Variants in ADAMTS12 observed in about 807,000 individuals in gnomAD.
The protein encoded by ADAMTS12 is A disintegrin and metalloproteinase with thrombospondin motifs 12.
ADAMTS12 carries 118 observed loss-of-function variants against 167.8 expected under a neutral mutation model. That is an observed-to-expected ratio of 0.70 (90% CI 0.61 to 0.82). The LOEUF (loss-of-function observed/expected upper bound fraction) is 0.82. Among genes scored for constraint, ADAMTS12 ranks in the 40% least tolerant of loss-of-function variants. ADAMTS12 has a pLI of 0.00. For synonymous variants in ADAMTS12, 704 were observed against 716.9 expected (o/e 0.98, Z 0.29); for missense variants, 1,916 against 1,998.8 (o/e 0.96, Z 0.79).
chr5:33,849,025 A>T (rs1464262575), intron 2 of ADAMTS12, among the ~76,000 whole-genome samples: 1 of 149,490 alleles, frequency 6.7e-6, no homozygotes, highest in Middle Eastern at 3.6e-3. Flanking sequence ...TATGTATTGC[A>T]TAGCAATATA....
chr5:33,664,950 A>ATT (rs1231960859), intron 5 of ADAMTS12, among the ~76,000 whole-genome samples: 4 of 152,158 alleles, frequency 2.6e-5, no homozygotes, highest in South Asian at 2.1e-4. Flanking sequence ...TATATATTCC[A>ATT]TTATATATAT....
chr5:33,846,747 A>G (rs1748962029), intron 2 of ADAMTS12, among the ~76,000 whole-genome samples: 1 of 152,258 alleles, frequency 6.6e-6, no homozygotes, highest in South Asian at 2.1e-4. Flanking sequence ...ACTTGTTAAT[A>G]AATTCCTGAA....
intron 5 of ADAMTS12, among the ~76,000 whole-genome samples, chr5:33,666,075 G>A (rs1741454652): frequency 6.6e-6 from 1 of 152,188 alleles, no homozygotes; most frequent in African/African-American, 2.4e-5. Flanking sequence ...GGGCCTTTGA[G>A]CCTCTAAGCT....
At chr5:33,599,019 C>T (rs55738809) in intron 16 of ADAMTS12, among the ~76,000 whole-genome samples, 4,182 of 152,226 alleles carry the variant, frequency 0.027, 205 homozygotes, top group African/African-American at 0.095. Flanking sequence ...AACAGTCAGC[C>T]CCAGATGAAC....
chr5:33,746,726 G>A (rs1198919673), intron 3 of ADAMTS12, among the ~76,000 whole-genome samples: 1 of 152,208 alleles, frequency 6.6e-6, no homozygotes, highest in African/African-American at 2.4e-5. Flanking sequence ...TCTGGGTGTT[G>A]CTAGGAAGGC....
chr5:33,751,302 G>A, intron 3 of ADAMTS12, 102 bp downstream of exon 3: 1 of 1,408,432 alleles, frequency 7.1e-7, no homozygotes, highest in Non-Finnish European at 9.9e-7. Flanking sequence ...AAAGAATACA[G>A]AGGAGATAAG....
chr5:33,596,164 G>C (rs1039845060), intron 16 of ADAMTS12, 104 bp from the exon 17 acceptor site: 1 of 1,430,352 alleles, frequency 7.0e-7, no homozygotes, highest in African/African-American at 1.4e-5. Flanking sequence ...GACGGCTGAT[G>C]GGAAAGTTGT....
intron 3 of ADAMTS12, among the ~76,000 whole-genome samples, chr5:33,699,102 AACTGAGATCACACCATTGT>A (rs1363033883): frequency 6.6e-6 from 1 of 152,200 alleles, no homozygotes; most frequent in Non-Finnish European, 1.5e-5. Flanking sequence ...GGTTGCAGTA[AACTGAGATCACACCATTGT>A]ACTCCAGCCT....
At chr5:33,705,783 T>A (rs1164041098) in intron 3 of ADAMTS12, among the ~76,000 whole-genome samples, 1 of 152,098 alleles carries the variant, frequency 6.6e-6, no homozygotes, top group Admixed American at 6.6e-5. Flanking sequence ...TACTCCAGCC[T>A]GGGCAACAGA....
chr5:33,592,216 C>T (rs550078274), intron 17 of ADAMTS12, among the ~76,000 whole-genome samples: 7 of 151,390 alleles, frequency 4.6e-5, no homozygotes, highest in Non-Finnish European at 5.9e-5. Flanking sequence ...GCAACAAGAG[C>T]GAAACTCCGT....
chr5:33,613,390 C>T (rs922630692), intron 16 of ADAMTS12, among the ~76,000 whole-genome samples: 1 of 152,184 alleles, frequency 6.6e-6, no homozygotes, highest in African/African-American at 2.4e-5. Flanking sequence ...AGATTCCATG[C>T]TCCTCAAATG....
intron 2 of ADAMTS12, among the ~76,000 whole-genome samples, chr5:33,826,873 C>T (rs181358919): frequency 2.0e-5 from 3 of 152,082 alleles, no homozygotes; most frequent in Admixed American, 6.6e-5. Flanking sequence ...GTAGTGAGAC[C>T]TCAGCTACAT....
At position 33,782,705 on chromosome 5, in the gene ADAMTS12, A is replaced by G. The variant is rs115583864; in HGVS notation, c.490-31157T>C. Among the ~76,000 whole-genome samples, 279 of 152,198 alleles carry G rather than the reference A, an allele frequency of 1.8e-3. 1 individual carries two copies. Among genetic ancestry groups the G allele is most frequent in the African/African-American group, 6.3e-3 (264 of 41,584 alleles). ...CAGAGAAAAATTGAGACATTTCATA[A>G]TAATAAAGAGATAAATATATCGAGA... On this transcript the variant is annotated intron_variant, in intron 2 of 23. Transcript: ENST00000504830.
intron 10 of ADAMTS12, 78 bp downstream of exon 10, chr5:33,643,300 T>C (rs1579791054): frequency 1.4e-6 from 2 of 1,468,464 alleles, no homozygotes; most frequent in South Asian, 2.3e-5. Flanking sequence ...AGAGTTGCCC[T>C]CTAGGGCCTT....
intron 2 of ADAMTS12, among the ~76,000 whole-genome samples, chr5:33,791,745 A>G (rs1392194200): frequency 4.0e-5 from 6 of 149,578 alleles, no homozygotes; most frequent in Non-Finnish European, 5.9e-5. Context: ...CACCCAATCA[A>G]TTCCACTCTT....
intron 3 of ADAMTS12, among the ~76,000 whole-genome samples, chr5:33,736,302 A>C (rs768222945): frequency 6.6e-6 from 1 of 152,124 alleles, no homozygotes; most frequent in Non-Finnish European, 1.5e-5. Flanking sequence ...ACCTCAGTTG[A>C]TCCACCTGGC....
At chr5:33,814,745 A>G (rs950908370) in intron 2 of ADAMTS12, among the ~76,000 whole-genome samples, 7 of 152,156 alleles carry the variant, frequency 4.6e-5, no homozygotes, top group Non-Finnish European at 1.0e-4. Flanking sequence ...CACACTAGAA[A>G]AAGTTCTTCA....
chr5:33,568,563 A>G (rs1426034316), intron 19 of ADAMTS12, among the ~76,000 whole-genome samples: 2 of 152,224 alleles, frequency 1.3e-5, no homozygotes, highest in Admixed American at 1.3e-4. Flanking sequence ...TAACTGTTAC[A>G]AATCTCTTTT....
At chr5:33,824,946 T>C (rs1259080425) in intron 2 of ADAMTS12, among the ~76,000 whole-genome samples, 1 of 152,156 alleles carries the variant, frequency 6.6e-6, no homozygotes, top group African/African-American at 2.4e-5. Flanking sequence ...GGAGTTTGGA[T>C]TCCTGAGCTA....
Sources: gnomAD v4.1 joint callset for allele counts (sites outside exome capture counted in the v4.1 genomes callset) on GRCh38, gnomAD v4.1.1 for gene constraint, MANE v1.5 for transcripts, NCBI Gene and HGNC (gene_info 2026-07-23, HGNC 2026-07-21) for gene names.